The following DHX15 variants were observed in gnomAD, a reference collection of about 807,000 sequenced individuals.
DHX15 encodes the protein ATP-dependent RNA helicase DHX15.
DHX15 carries 11 observed loss-of-function variants against 94.4 expected under a neutral mutation model. That is an observed-to-expected ratio of 0.12 (90% CI 0.07 to 0.19). The LOEUF (loss-of-function observed/expected upper bound fraction) is 0.19. Among genes scored for constraint, DHX15 ranks in the 10% least tolerant of loss-of-function variants. The pLI, the probability that DHX15 is intolerant of heterozygous loss-of-function variation, is 1.00. For synonymous variants in DHX15, 338 were observed against 329.9 expected, an observed-to-expected ratio of 1.02 and a Z score of -0.27; for missense variants, 304 against 988.5, an observed-to-expected ratio of 0.31 and a Z score of 9.29.
intron 3 of DHX15, among the ~76,000 whole-genome samples, chr4:24,558,652 C>T (rs1244570471): frequency 1.3e-5 from 2 of 152,094 alleles, no homozygotes; most frequent in Non-Finnish European, 2.9e-5. Context: ...CCCAGTGATC[C>T]CATTCCATGA....
chr4:24,552,815 T>C (rs1033826630), intron 5 of DHX15, among the ~76,000 whole-genome samples: 9 of 152,230 alleles, frequency 5.9e-5, no homozygotes, highest in African/African-American at 2.2e-4. Flanking sequence ...AGCAGCATTT[T>C]ATTTCATGAA....
intron 11 of DHX15, among the ~76,000 whole-genome samples, chr4:24,536,297 A>G (rs11729408): frequency 6.6e-6 from 1 of 151,888 alleles, no homozygotes; most frequent in Non-Finnish European, 1.5e-5. Context: ...TTTTTTTACC[A>G]CCATAAATAA....
At chr4:24,536,560 G>C (rs1721203586) in intron 11 of DHX15, among the ~76,000 whole-genome samples, 1 of 151,922 alleles carries the variant, frequency 6.6e-6, no homozygotes, top group Non-Finnish European at 1.5e-5. Flanking sequence ...GCACTTCTTG[G>C]GCTAACAGTA....
chr4:24,554,971 G>A, intron 4 of DHX15, 28 bp from the exon 5 acceptor site: 5 of 1,570,730 alleles, frequency 3.2e-6, no homozygotes, highest in Non-Finnish European at 4.4e-6. Flanking sequence ...ATTATTTGAA[G>A]CTGTCTTCAA....
chr4:24,531,660 A>G (rs1262823548), intron 12 of DHX15, among the ~76,000 whole-genome samples: 1 of 152,100 alleles, frequency 6.6e-6, no homozygotes, highest in African/African-American at 2.4e-5. Context: ...TAAAAGCTGC[A>G]GTGAGCCGTG....
chr4:24,555,773 A>G (rs1335744070), intron 4 of DHX15, among the ~76,000 whole-genome samples: 1 of 152,212 alleles, frequency 6.6e-6, no homozygotes, highest in East Asian at 1.9e-4. Flanking sequence ...GGGCCAAGGT[A>G]CATGTGGTAT....
At chr4:24,575,013 A>G (rs575774515) in intron 2 of DHX15, among the ~76,000 whole-genome samples, 1 of 152,150 alleles carries the variant, frequency 6.6e-6, no homozygotes, top group South Asian at 2.1e-4. Flanking sequence ...AAAATTAGCC[A>G]GGCACTGGTG....
At chr4:24,551,735 T>C (rs1009656496) in intron 5 of DHX15, among the ~76,000 whole-genome samples, 2 of 152,206 alleles carry the variant, frequency 1.3e-5, no homozygotes, top group Non-Finnish European at 2.9e-5. Flanking sequence ...TTGAACATAA[T>C]ATAAAACTAG....
intron 6 of DHX15, among the ~76,000 whole-genome samples, chr4:24,547,547 A>G (rs1488325097): frequency 6.6e-6 from 1 of 152,256 alleles, no homozygotes; most frequent in African/African-American, 2.4e-5. Flanking sequence ...CACAAACAGG[A>G]CATCTTTGTT....
At chr4:24,536,137 T>C (rs1011308888) in intron 11 of DHX15, among the ~76,000 whole-genome samples, 3 of 152,312 alleles carry the variant, frequency 2.0e-5, no homozygotes, top group Admixed American at 2.0e-4. Context: ...TTCATTGTTA[T>C]TATGTTTCCT....
intron 5 of DHX15, among the ~76,000 whole-genome samples, chr4:24,553,047 G>T (rs1305484643): frequency 6.6e-6 from 1 of 152,230 alleles, no homozygotes; most frequent in Non-Finnish European, 1.5e-5. Flanking sequence ...ATATGGCCAG[G>T]TGCAGTGGCT....
intron 6 of DHX15, 138 bp from the exon 7 acceptor site, chr4:24,543,164 A>G (rs1223282671): frequency 1.6e-6 from 1 of 610,658 alleles, no homozygotes. Flanking sequence ...TTGATCTTCA[A>G]TGGCCAATGC....
chr4:24,528,946 GT>G (rs767233107), intron 13 of DHX15, among the ~76,000 whole-genome samples: 35 of 151,798 alleles, frequency 2.3e-4, no homozygotes, highest in Non-Finnish European at 5.0e-4. Context: ...GCAAGAAACA[GT>G]ACTGACTTGA....
At chr4:24,544,319 A>ATACT (rs1255737120) in intron 6 of DHX15, among the ~76,000 whole-genome samples, 1 of 152,206 alleles carries the variant, frequency 6.6e-6, no homozygotes, top group Non-Finnish European at 1.5e-5. Flanking sequence ...ACTAAGTAGT[A>ATACT]GACTTCCCAA....
chr4:24,548,254 T>G (rs1356856141), intron 6 of DHX15, among the ~76,000 whole-genome samples: 1 of 150,682 alleles, frequency 6.6e-6, no homozygotes, highest in Non-Finnish European at 1.5e-5. Context: ...GCGATTCTCC[T>G]GCCTCTGCCT....
At chr4:24,571,976 T>C (rs1722130915) in intron 2 of DHX15, among the ~76,000 whole-genome samples, 1 of 152,198 alleles carries the variant, frequency 6.6e-6, no homozygotes, top group African/African-American at 2.4e-5. Flanking sequence ...GGTTTTCTAG[T>C]CAGGCTATAA....
intron 1 of DHX15, 115 bp from the exon 2 acceptor site, chr4:24,576,793 G>A (rs1281654973): frequency 1.4e-6 from 2 of 1,393,788 alleles, no homozygotes; most frequent in Non-Finnish European, 9.5e-7. Flanking sequence ...AAGTCCAATG[G>A]ATTATGTAAC....
chr4:24,569,975 A>C (rs1722084977), intron 3 of DHX15, among the ~76,000 whole-genome samples: 1 of 152,260 alleles, frequency 6.6e-6, no homozygotes, highest in African/African-American at 2.4e-5. Context: ...AATATCACAT[A>C]AATACAGAAT....
intron 13 of DHX15, among the ~76,000 whole-genome samples, chr4:24,528,427 T>C (rs1050938260): frequency 9.2e-5 from 14 of 152,202 alleles, no homozygotes; most frequent in Non-Finnish European, 1.5e-4. Context: ...TGATTGGATC[T>C]TTTCATTTTC....
Sources: allele counts gnomAD v4.1 joint callset (sites outside exome capture counted in the v4.1 genomes callset), GRCh38; gene constraint gnomAD v4.1.1; transcripts MANE v1.5; gene names NCBI Gene and HGNC (gene_info 2026-07-23, HGNC 2026-07-21).